The following NR1D2 variants were observed in gnomAD, a reference collection of about 807,000 sequenced individuals.
NR1D2 encodes nuclear receptor subfamily 1 group D member 2.
A neutral mutation model predicts 52.2 loss-of-function variants in NR1D2; 25 were observed. The observed-to-expected ratio is 0.48, with a 90% CI of 0.35 to 0.67. NR1D2 has a LOEUF of 0.67. Among genes scored for constraint, NR1D2 ranks in the 30% least tolerant of loss-of-function variants. The pLI, the probability that NR1D2 is intolerant of heterozygous loss-of-function variation, is 0.01. For synonymous variants in NR1D2, 259 were observed against 230.1 expected (o/e 1.13, Z -1.14); for missense variants, 681 against 707.2 (o/e 0.96, Z 0.42).
chr3:23,969,240 C>T (rs1706526760), intron 7 of NR1D2, among the ~76,000 whole-genome samples: 1 of 150,838 alleles, frequency 6.6e-6, no homozygotes, highest in South Asian at 2.1e-4. Flanking sequence ...GAGCCGAGAT[C>T]ACACCAGCTT....
chr3:23,957,229 C>T (rs1027295816), intron 3 of NR1D2, among the ~76,000 whole-genome samples: 9 of 151,766 alleles, frequency 5.9e-5, no homozygotes, highest in Admixed American at 3.3e-4. Context: ...GTGATCTGCC[C>T]GCCTCGGCTT....
At chr3:23,952,266 G>C (rs762096289) in intron 1 of NR1D2, among the ~76,000 whole-genome samples, 5 of 152,134 alleles carry the variant, frequency 3.3e-5, no homozygotes, top group Non-Finnish European at 5.9e-5. Flanking sequence ...ATGGACAGTG[G>C]GTTTAACTGG....
intron 5 of NR1D2, chr3:23,964,744 T>C (rs1706394788): frequency 2.6e-6 from 1 of 387,916 alleles, no homozygotes; most frequent in Non-Finnish European, 4.6e-6. Flanking sequence ...TAGATGATAT[T>C]TTTGCTTAGG....
intron 4 of NR1D2, among the ~76,000 whole-genome samples, chr3:23,961,389 C>CTTTTTTTTTTTTTTTTTTTTTTTTTTTT (rs869108010): frequency 1.3e-5 from 1 of 76,014 alleles, no homozygotes; most frequent in Non-Finnish European, 2.4e-5. Flanking sequence ...CTTTTTCTTT[C>CTTTTTTTTTTTTTTTTTTTTTTTTTTTT]TTTTTTTTTT....
chr3:23,961,013 CTT>C (rs1706225332), intron 4 of NR1D2, among the ~76,000 whole-genome samples: 1 of 152,064 alleles, frequency 6.6e-6, no homozygotes. Flanking sequence ...TAGAGGATGA[CTT>C]ATCTCATTTT....
intron 1 of NR1D2, among the ~76,000 whole-genome samples, chr3:23,947,896 TC>T (rs1180880935): frequency 6.6e-6 from 1 of 152,048 alleles, no homozygotes; most frequent in Non-Finnish European, 1.5e-5. Flanking sequence ...GCCGGGCGGA[TC>T]CCCTGAGGTA....
chr3:23,954,263 C>G (rs1706024193), intron 1 of NR1D2, among the ~76,000 whole-genome samples: 1 of 152,226 alleles, frequency 6.6e-6, no homozygotes, highest in Admixed American at 6.5e-5. Flanking sequence ...CCTCCCACCT[C>G]AGCCCCCAAA....
intron 1 of NR1D2, among the ~76,000 whole-genome samples, chr3:23,953,344 A>C (rs1705996292): frequency 1.9e-5 from 1 of 54,048 alleles, no homozygotes; most frequent in Admixed American, 2.5e-4. Flanking sequence ...CTCTGTCTCA[A>C]AAAAAAAAAA....
intron 1 of NR1D2, among the ~76,000 whole-genome samples, chr3:23,949,739 T>C (rs879855761): frequency 6.6e-6 from 1 of 152,250 alleles, no homozygotes; most frequent in Non-Finnish European, 1.5e-5. Flanking sequence ...AACTAAAGCT[T>C]CTTGGTGATA....
intron 4 of NR1D2, among the ~76,000 whole-genome samples, chr3:23,960,458 G>C (rs555208024): frequency 6.6e-6 from 1 of 151,574 alleles, no homozygotes; most frequent in East Asian, 2.0e-4. Context: ...AGCTTCCTGA[G>C]TAGCTGGGAT....
At chr3:23,969,126 AAAT>A (rs1465846425) in intron 7 of NR1D2, among the ~76,000 whole-genome samples, 2 of 152,108 alleles carry the variant, frequency 1.3e-5, no homozygotes, top group African/African-American at 4.8e-5. Flanking sequence ...TCTCTACTAA[AAAT>A]ACAAAAATTA....
At chr3:23,976,727 AAGTT>A (rs760888147) in intron 7 of NR1D2, among the ~76,000 whole-genome samples, 16 of 152,166 alleles carry the variant, frequency 1.1e-4, no homozygotes, top group East Asian at 1.9e-4. Flanking sequence ...TTTTCATTAG[AAGTT>A]AGTAAGTCTA....
intron 6 of NR1D2, 78 bp from the exon 7 acceptor site, chr3:23,967,735 T>G: frequency 8.8e-7 from 1 of 1,132,162 alleles, no homozygotes; most frequent in Admixed American, 2.4e-5. Context: ...GATTCATAAC[T>G]GACTTGATTG....
At chr3:23,946,062 C>T (rs914172102) in intron 1 of NR1D2, 11 of 972,910 alleles carry the variant, frequency 1.1e-5, no homozygotes, top group African/African-American at 1.1e-4. Context: ...GGGAGCGCCG[C>T]AGCCTCCCGG....
chr3:23,945,481 C>T lies in NR1D2; in HGVS notation c.-98C>T. The T allele has an allele frequency of 1.4e-6, 1 of 740,264 alleles. No individual in the cohort carries two copies. Among genetic ancestry groups the T allele is most frequent in the African/African-American group, 1.9e-5 (1 of 52,376 alleles). The allele number at this position is 740,264 out of a possible 1,614,324, so 45.9% of individuals were successfully genotyped here. A position where few individuals can be genotyped will look rare whatever the true frequency, so the allele number is the denominator to read the frequency against. ...CCATGAGGGGGCCCCGCGACCACCG[C>T]TGCTTCCAGCCCGGGGCGGCGCGGC... On this transcript the variant is annotated 5_prime_UTR_variant, in exon 1 of 8. Transcript: ENST00000312521.
rs1282235516 is a variant in NR1D2, at chr3:23,979,025, A to G, written c.*1606A>G. ...GCCTTCTGTATAATGTTTGGATTAT[A>G]TAAAATTGCAAAAATGATAACAGCC... On this transcript the variant is annotated 3_prime_UTR_variant, in exon 8 of 8. Coordinates refer to ENST00000312521, the MANE Select transcript of NR1D2 (RefSeq NM_005126.5). The G allele has an allele frequency of 1.3e-5, 2 of 152,094 alleles. No homozygotes were observed. The highest frequency in any genetic ancestry group is 6.6e-5 in the Admixed American group (1 of 15,264). 9.4% of individuals were successfully genotyped at this position (152,094 alleles called of 1,614,324 possible).
intron 3 of NR1D2, among the ~76,000 whole-genome samples, chr3:23,958,530 C>T (rs1032004480): frequency 6.6e-6 from 1 of 150,836 alleles, no homozygotes; most frequent in African/African-American, 2.4e-5. Flanking sequence ...AGTCCCAGCT[C>T]TTGGGAGGCT....
chr3:23,954,882 G>A, intron 2 of NR1D2, 79 bp downstream of exon 2: 4 of 1,286,300 alleles, frequency 3.1e-6, no homozygotes, highest in Non-Finnish European at 4.4e-6. Flanking sequence ...CATTTAGGTG[G>A]CCATTATGTT....
intron 1 of NR1D2, among the ~76,000 whole-genome samples, chr3:23,954,066 T>C (rs1390828815): frequency 6.6e-6 from 1 of 152,226 alleles, no homozygotes; most frequent in Non-Finnish European, 1.5e-5. Flanking sequence ...AGTAGCATGA[T>C]CATGGCTCAC....
Sources: allele counts gnomAD v4.1 joint callset (sites outside exome capture counted in the v4.1 genomes callset), GRCh38; gene constraint gnomAD v4.1.1; transcripts MANE v1.5; gene names NCBI Gene and HGNC (gene_info 2026-07-23, HGNC 2026-07-21).